The following FTCDNL1 variants were observed in gnomAD, a reference collection of about 807,000 sequenced individuals.
FTCDNL1 encodes the protein formiminotransferase cyclodeaminase N-terminal like.
A neutral mutation model predicts 5.9 loss-of-function variants in FTCDNL1; 11 were observed. The ratio of observed to expected loss-of-function variants is 1.87; its 90% CI spans 1.18 to 3.10. FTCDNL1 has a LOEUF of 3.10. FTCDNL1 is among the 30% of genes most tolerant of loss of function. The pLI is 0.00. For synonymous variants in FTCDNL1, 58 were observed against 24.8 expected (o/e 2.34, Z -3.99); for missense variants, 115 against 65.5 (o/e 1.76, Z -2.61).
At chr2:199,670,369 A>G in the FTCDNL1 span, among the ~76,000 whole-genome samples, 1 of 152,208 alleles carries the variant, frequency 6.6e-6, no homozygotes, top group East Asian at 1.9e-4. Context: ...ACCTGCTGTC[A>G]CTTTCCAGTC....
At chr2:199,746,361 C>T in the FTCDNL1 span, among the ~76,000 whole-genome samples, 4 of 152,106 alleles carry the variant, frequency 2.6e-5, no homozygotes, top group African/African-American at 7.2e-5. Context: ...AGTGAAGTTG[C>T]GTCGACTTAG....
chr2:199,756,871 G>C (rs1157052352), downstream of FTCDNL1, among the ~76,000 whole-genome samples: 3 of 152,186 alleles, frequency 2.0e-5, no homozygotes, highest in African/African-American at 7.2e-5. Context: ...GGACATGGCT[G>C]TTCTTCTGGC....
At chr2:199,775,698 T>A (rs1359882558) in intron 3 of FTCDNL1, among the ~76,000 whole-genome samples, 1 of 152,046 alleles carries the variant, frequency 6.6e-6, no homozygotes. Flanking sequence ...ACAACCTAGT[T>A]TAGAACATAA....
At chr2:199,707,212 C>G in the FTCDNL1 span, among the ~76,000 whole-genome samples, 1 of 152,218 alleles carries the variant, frequency 6.6e-6, no homozygotes, top group Non-Finnish European at 1.5e-5. Context: ...ATGTCCTCCC[C>G]ACTCCTCAAT....
At chr2:199,835,523 T>C (rs1376441613) in intron 3 of FTCDNL1, among the ~76,000 whole-genome samples, 6 of 152,108 alleles carry the variant, frequency 3.9e-5, no homozygotes, top group Non-Finnish European at 1.5e-5. Context: ...AATAGGTGGA[T>C]GGGTTGGTGG....
chr2:199,844,735 C>G (rs1434540699), intron 3 of FTCDNL1, among the ~76,000 whole-genome samples: 1 of 152,100 alleles, frequency 6.6e-6, no homozygotes, highest in Non-Finnish European at 1.5e-5. Flanking sequence ...TTTCTTCCAG[C>G]TTTTTCCTCC....
At chr2:199,779,123 G>C (rs1699233351) in intron 3 of FTCDNL1, among the ~76,000 whole-genome samples, 1 of 152,172 alleles carries the variant, frequency 6.6e-6, no homozygotes, top group African/African-American at 2.4e-5. Context: ...TGTAAGTAAA[G>C]AGAAATCCAA....
chr2:199,811,064 C>A lies in FTCDNL1; in HGVS notation c.*1641G>T, dbSNP rs749072348. ...TGTACATAATGAAACATTTCAACTC[C>A]CGAGGCTGGGCCTCTTCCTCCTGGG... On this transcript the variant is annotated 3_prime_UTR_variant, in exon 5 of 5. Coordinates refer to ENST00000420128, the MANE Select transcript of FTCDNL1 (RefSeq NM_001363886.2). 1.3e-5 allele frequency among the ~76,000 whole-genome samples: 2 copies of A among 152,194 alleles called. No homozygotes were observed. The highest frequency in any genetic ancestry group is 4.8e-5 in the African/African-American group (2 of 41,454).
chr2:199,780,765 C>T (rs890050715), intron 3 of FTCDNL1, among the ~76,000 whole-genome samples: 1 of 152,220 alleles, frequency 6.6e-6, no homozygotes, highest in African/African-American at 2.4e-5. Flanking sequence ...AGAGATGCCA[C>T]AGCAAATTGT....
chr2:199,786,397 G>T (rs796142508), intron 3 of FTCDNL1, among the ~76,000 whole-genome samples: 8 of 152,170 alleles, frequency 5.3e-5, no homozygotes, highest in African/African-American at 1.9e-4. Context: ...CACATCATTT[G>T]ACTGAGGTTT....
intron 4 of FTCDNL1, among the ~76,000 whole-genome samples, chr2:199,818,175 C>A (rs41523751): frequency 0.011 from 1,610 of 152,218 alleles, 29 homozygotes; most frequent in African/African-American, 0.036. Flanking sequence ...ACTACATCTG[C>A]GGTATAATCT....
chr2:199,736,832 A>G, the FTCDNL1 span, among the ~76,000 whole-genome samples: 1 of 152,230 alleles, frequency 6.6e-6, no homozygotes, highest in African/African-American at 2.4e-5. Flanking sequence ...AGTCAAAGCA[A>G]TAGTCAATTG....
chr2:199,697,248 G>A, the FTCDNL1 span, among the ~76,000 whole-genome samples: 8 of 152,154 alleles, frequency 5.3e-5, no homozygotes, highest in South Asian at 1.7e-3. Context: ...CTCCAGCCTG[G>A]GCGACAGAGA....
At chr2:199,745,844 A>C in the FTCDNL1 span, among the ~76,000 whole-genome samples, 1 of 81,172 alleles carries the variant, frequency 1.2e-5, no homozygotes, top group East Asian at 3.6e-4. Flanking sequence ...CTCCTATCCA[A>C]GTAACACTGA....
downstream of FTCDNL1, among the ~76,000 whole-genome samples, chr2:199,759,499 C>T (rs1257615745): frequency 1.3e-5 from 2 of 152,000 alleles, no homozygotes; most frequent in African/African-American, 4.8e-5. Flanking sequence ...GCCAGTTAAC[C>T]CCGAAGTCCT....
intron 3 of FTCDNL1, among the ~76,000 whole-genome samples, chr2:199,777,969 C>T (rs956732742): frequency 2.6e-5 from 4 of 152,086 alleles, no homozygotes; most frequent in Non-Finnish European, 5.9e-5. Flanking sequence ...GTAGATTTCA[C>T]TCCATTTAAT....
chr2:199,827,807 G>T lies in FTCDNL1; in HGVS notation c.212-8050C>A, dbSNP rs183873297. 1.2e-4 allele frequency among the ~76,000 whole-genome samples: 18 copies of T among 152,230 alleles called. No individual in the cohort carries two copies. The East Asian group carries it at 2.3e-3, about 20-fold the overall frequency. The stretch of plus-strand genomic sequence containing the variant: ...TTCCCTTTTGCAAGCCTAAGCCACT[G>T]TTCTGAATCCTGAGTTCTGAATACC... On this transcript the variant is annotated intron_variant, in intron 3 of 4. Coordinates refer to ENST00000420128, the MANE Select transcript of FTCDNL1 (RefSeq NM_001363886.2).
chr2:199,814,874 C>A (rs1224344071), intron 4 of FTCDNL1, among the ~76,000 whole-genome samples: 2 of 152,136 alleles, frequency 1.3e-5, no homozygotes, highest in African/African-American at 4.8e-5. Context: ...CCTGATGATG[C>A]ATTTCTTATT....
the FTCDNL1 span, among the ~76,000 whole-genome samples, chr2:199,691,122 T>A: frequency 6.6e-6 from 1 of 152,268 alleles, no homozygotes; most frequent in African/African-American, 2.4e-5. Context: ...TGTTTTTGGT[T>A]AAATATTTTG....
Sources: allele counts gnomAD v4.1 joint callset (sites outside exome capture counted in the v4.1 genomes callset), GRCh38; gene constraint gnomAD v4.1.1; transcripts MANE v1.5; gene names NCBI Gene and HGNC (gene_info 2026-07-23, HGNC 2026-07-21).